Variants in PLD5 observed in about 807,000 individuals in gnomAD.
PLD5 encodes inactive phospholipase D5.
A neutral mutation model predicts 61.1 loss-of-function variants in PLD5; 36 were observed. That is an observed-to-expected ratio of 0.59 (90% CI 0.45 to 0.78). The LOEUF (loss-of-function observed/expected upper bound fraction) is 0.78, where lower values mean the gene tolerates loss of function less well. Among genes scored for constraint, PLD5 ranks in the 30% least tolerant of loss-of-function variants. The pLI is 0.00. For synonymous variants in PLD5, 243 were observed against 242.8 expected (o/e 1.00, Z -0.01); for missense variants, 515 against 644.4 (o/e 0.80, Z 2.17).
chr1:242,299,258 G>A (rs1026448811), intron 2 of PLD5, among the ~76,000 whole-genome samples: 2 of 152,092 alleles, frequency 1.3e-5, no homozygotes, highest in Admixed American at 6.6e-5. Context: ...ATGCCCTCAA[G>A]CATTTATCCT....
chr1:242,408,864 C>T (rs766528190), intron 1 of PLD5, among the ~76,000 whole-genome samples: 8 of 152,042 alleles, frequency 5.3e-5, no homozygotes, highest in African/African-American at 1.4e-4. Flanking sequence ...GTCAGGAGTT[C>T]GAGACCAGCC....
intron 1 of PLD5, among the ~76,000 whole-genome samples, chr1:242,464,197 A>G (rs1272050495): frequency 6.6e-6 from 1 of 151,950 alleles, no homozygotes; most frequent in Non-Finnish European, 1.5e-5. Context: ...TTTTGACCCA[A>G]CCTCTTAATT....
intron 1 of PLD5, among the ~76,000 whole-genome samples, chr1:242,397,493 G>A (rs957329447): frequency 1.4e-5 from 2 of 142,140 alleles, no homozygotes; most frequent in South Asian, 2.4e-4. Flanking sequence ...GCAGCAAGCC[G>A]TAGAACCTGT....
At chr1:242,340,390 A>G (rs1010073379) in intron 2 of PLD5, among the ~76,000 whole-genome samples, 1 of 152,158 alleles carries the variant, frequency 6.6e-6, no homozygotes, top group African/African-American at 2.4e-5. Flanking sequence ...TTGTCAATAC[A>G]AAGCAAAATA....
intron 2 of PLD5, among the ~76,000 whole-genome samples, chr1:242,337,521 C>T (rs1301412497): frequency 6.6e-6 from 1 of 152,150 alleles, no homozygotes; most frequent in Non-Finnish European, 1.5e-5. Context: ...ATCCCAGATA[C>T]TCAGTAGGCT....
intron 1 of PLD5, among the ~76,000 whole-genome samples, chr1:242,405,038 C>A (rs527613741): frequency 6.6e-6 from 1 of 151,890 alleles, no homozygotes; most frequent in Non-Finnish European, 1.5e-5. Context: ...CACCACCACA[C>A]CTGGCTAAAT....
intron 1 of PLD5, among the ~76,000 whole-genome samples, chr1:242,496,656 C>T (rs747389982): frequency 2.0e-5 from 3 of 152,100 alleles, no homozygotes; most frequent in Non-Finnish European, 4.4e-5. Context: ...ACAACACACA[C>T]ATCAGAATAT....
intron 5 of PLD5, among the ~76,000 whole-genome samples, chr1:242,182,768 A>G (rs1370807696): frequency 6.6e-6 from 1 of 152,206 alleles, no homozygotes; most frequent in Admixed American, 6.5e-5. Flanking sequence ...TCTTGAACCC[A>G]GGAGACGGAG....
intron 1 of PLD5, among the ~76,000 whole-genome samples, chr1:242,442,759 C>A (rs1034173526): frequency 1.4e-4 from 22 of 152,156 alleles, no homozygotes; most frequent in African/African-American, 5.1e-4. Context: ...ACTTATAATC[C>A]TAAACTAGTA....
chr1:242,444,358 G>T (rs929846782), intron 1 of PLD5, among the ~76,000 whole-genome samples: 5 of 151,958 alleles, frequency 3.3e-5, no homozygotes, highest in African/African-American at 4.8e-5. Context: ...TCAAGTACCG[G>T]AGAAGAGGGA....
At chr1:242,367,281 T>C (rs1445918297) in intron 1 of PLD5, among the ~76,000 whole-genome samples, 5 of 152,028 alleles carry the variant, frequency 3.3e-5, no homozygotes, top group Admixed American at 6.6e-5. Flanking sequence ...CAGACACACA[T>C]AGAAAAATTC....
In PLD5 at chr1:242,345,699, G is replaced by A. The variant is rs1289887795; in HGVS notation, c.326+2407C>T. 65 of 733,796 alleles carry A rather than the reference G, an allele frequency of 8.9e-5. No individual in the cohort carries two copies. The East Asian group carries it at 1.4e-3, about 16-fold the overall frequency. 45.5% of individuals were successfully genotyped at this position (733,796 alleles called of 1,614,324 possible). A position where few individuals can be genotyped will look rare whatever the true frequency, so the allele number is the denominator to read the frequency against. On this transcript the variant is annotated intron_variant, in intron 2 of 9. Transcript: ENST00000536534. ...CACAGGTGTCCTCAGACCCTATCAG[G>A]AGAAGAGCTTGTGGAAGATCAAATC...
At chr1:242,189,746 C>T (rs1332485418) in intron 5 of PLD5, among the ~76,000 whole-genome samples, 1 of 152,120 alleles carries the variant, frequency 6.6e-6, no homozygotes, top group African/African-American at 2.4e-5. Flanking sequence ...GAGGTCAGTG[C>T]AGGCTGCTCT....
chr1:242,332,218 A>G (rs1659228305), intron 2 of PLD5, among the ~76,000 whole-genome samples: 2 of 152,128 alleles, frequency 1.3e-5, no homozygotes, highest in African/African-American at 4.8e-5. Context: ...ACATGAACTC[A>G]TCCCTTTTTA....
intron 4 of PLD5, among the ~76,000 whole-genome samples, chr1:242,227,277 T>C (rs922775794): frequency 2.6e-5 from 4 of 152,128 alleles, no homozygotes; most frequent in Non-Finnish European, 4.4e-5. Context: ...CTTGAACTCC[T>C]GGGTTAAAGC....
intron 5 of PLD5, among the ~76,000 whole-genome samples, chr1:242,206,237 C>G (rs1669304979): frequency 1.3e-5 from 2 of 152,182 alleles, no homozygotes. Flanking sequence ...CAATATGGCT[C>G]TTCTCTCAGT....
intron 1 of PLD5, among the ~76,000 whole-genome samples, chr1:242,468,711 A>C (rs1667350998): frequency 6.6e-6 from 1 of 152,050 alleles, no homozygotes; most frequent in Admixed American, 6.6e-5. Context: ...GCACACACAC[A>C]CACATACACA....
intron 6 of PLD5, among the ~76,000 whole-genome samples, chr1:242,119,265 A>C (rs562240223): frequency 6.6e-6 from 1 of 152,338 alleles, no homozygotes; most frequent in African/African-American, 2.4e-5. Flanking sequence ...GGTTTTAAAA[A>C]AGTATATACT....
chr1:242,525,763 T>C (rs761816190), upstream of PLD5, among the ~76,000 whole-genome samples: 14 of 152,184 alleles, frequency 9.2e-5, no homozygotes, highest in Non-Finnish European at 1.8e-4. Context: ...TTCAAAGACA[T>C]TCTGGCTGGG....
Sources: gnomAD v4.1 joint callset for allele counts (sites outside exome capture counted in the v4.1 genomes callset) on GRCh38, gnomAD v4.1.1 for gene constraint, MANE v1.5 for transcripts, NCBI Gene and HGNC (gene_info 2026-07-23, HGNC 2026-07-21) for gene names.